PCDH15: variants seen among roughly 807,000 people sequenced by gnomAD.
The protein encoded by PCDH15 is protocadherin-15.
Under a neutral mutation model 178.5 loss-of-function variants are expected in PCDH15, and 129 were observed. That is an observed-to-expected ratio of 0.72 (90% CI 0.63 to 0.84). The LOEUF (loss-of-function observed/expected upper bound fraction) is 0.84, where lower values mean the gene tolerates loss of function less well. Ranked by LOEUF, PCDH15 falls within the 40% of genes least tolerant of loss-of-function variation. The pLI is 0.00. For synonymous variants in PCDH15, 800 were observed against 732.0 expected, an observed-to-expected ratio of 1.09 and a Z score of -1.50; for missense variants, 2,230 against 2,099.9, an observed-to-expected ratio of 1.06 and a Z score of -1.21.
chr10:53,877,568 C>T (rs965450626), intron 26 of PCDH15, among the ~76,000 whole-genome samples: 2 of 152,182 alleles, frequency 1.3e-5, no homozygotes, highest in Non-Finnish European at 2.9e-5. Flanking sequence ...TTTGAACTTC[C>T]TGATTTTTCC....
At chr10:54,384,126 A>G (rs1949629219) in intron 3 of PCDH15, among the ~76,000 whole-genome samples, 1 of 151,748 alleles carries the variant, frequency 6.6e-6, no homozygotes, top group South Asian at 2.1e-4. Context: ...GAGCTACTGC[A>G]TCCAGCCAAA....
In PCDH15 at chr10:53,832,706, A is replaced by T. The variant is rs184089329; in HGVS notation, c.3984-1173T>A. Among the ~76,000 whole-genome samples the T allele has an allele frequency of 1.2e-4, 18 of 151,040 alleles. No individual in the cohort carries two copies. The East Asian group carries it at 3.3e-3, about 28-fold the overall frequency. On this transcript the variant is annotated intron_variant, in intron 29 of 37. Transcript: ENST00000644397. ...AAAAATTAAAATGGCCCTAAATTTC[A>T]TTATCAAAATATAATCAATGCCATG... is the stretch of plus-strand genomic sequence containing the variant.
intron 1 of PCDH15, among the ~76,000 whole-genome samples, chr10:54,711,162 A>T (rs992459987): frequency 9.9e-5 from 15 of 152,004 alleles, no homozygotes; most frequent in Non-Finnish European, 2.1e-4. Context: ...TACTTAATAG[A>T]CCTGAACAAA....
Position 54,717,150 on chromosome 10 carries a change from A to T in PCDH15, c.-28-52860T>A, listed in dbSNP as rs1291055212. On this transcript the variant is annotated intron_variant, in intron 1 of 37. Transcript: ENST00000644397. ...ACTTAAATGTTAGACCTAAAACCAT[A>T]AAAACCCTAGAAGAAAACCTAGGCA... is the stretch of plus-strand genomic sequence containing the variant. Among the ~76,000 whole-genome samples the T allele has an allele frequency of 5.2e-5, 7 of 135,686 alleles. 1 individual carries two copies. The highest frequency in any genetic ancestry group is 2.0e-4 in the African/African-American group (7 of 34,938). The allele number at this position is 135,686 out of a possible 152,430, so 89.0% of individuals were successfully genotyped here.
At chr10:53,924,276 C>T (rs925025327) in intron 25 of PCDH15, among the ~76,000 whole-genome samples, 22 of 152,264 alleles carry the variant, frequency 1.4e-4, no homozygotes, top group African/African-American at 2.2e-4. Flanking sequence ...GCACTCAGAG[C>T]GGCCGGCTGG....
intron 1 of PCDH15, among the ~76,000 whole-genome samples, chr10:55,207,900 C>T (rs944580903): frequency 6.6e-6 from 1 of 152,080 alleles, no homozygotes; most frequent in African/African-American, 2.4e-5. Flanking sequence ...ACCTGGAAGG[C>T]AGAGGTTGCA....
intron 3 of PCDH15, among the ~76,000 whole-genome samples, chr10:54,520,721 C>T (rs1015553899): frequency 1.3e-5 from 2 of 151,246 alleles, no homozygotes; most frequent in African/African-American, 4.9e-5. Context: ...TGGATATATA[C>T]CCAAAGGACT....
At chr10:55,080,274 C>T (rs925348563) in intron 2 of PCDH15, among the ~76,000 whole-genome samples, 24 of 152,124 alleles carry the variant, frequency 1.6e-4, no homozygotes, top group African/African-American at 5.8e-4. Context: ...AGCTCCACCT[C>T]CTGTCAGATC....
At chr10:54,687,477 C>G (rs961752062) in intron 1 of PCDH15, among the ~76,000 whole-genome samples, 1 of 152,158 alleles carries the variant, frequency 6.6e-6, no homozygotes, top group Non-Finnish European at 1.5e-5. Flanking sequence ...CTGACTAAAA[C>G]TCTCTCCTTT....
chr10:54,791,634 C>T (rs1454429578), intron 1 of PCDH15, among the ~76,000 whole-genome samples: 2 of 151,904 alleles, frequency 1.3e-5, no homozygotes, highest in African/African-American at 4.8e-5. Context: ...TCATGCTAAT[C>T]TTCCCATCTC....
rs561851344 is a variant in PCDH15 at position 54,665,365 on chromosome 10, T to C, written c.-28-1075A>G. ...TCCAAGTGTTTACATGATTGTGCAA[T>C]CTTCTTTATAAGACTAAATGCTTCT... On this transcript the variant is annotated intron_variant, in intron 1 of 37. Transcript: ENST00000644397. Among the ~76,000 whole-genome samples, 67 of 152,144 alleles carry C rather than the reference T, an allele frequency of 4.4e-4. 3 individuals carry two copies. The South Asian group carries it at 0.014, about 31-fold the overall frequency.
intron 3 of PCDH15, among the ~76,000 whole-genome samples, chr10:54,850,923 T>C (rs1337986319): frequency 6.6e-6 from 1 of 152,140 alleles, no homozygotes; most frequent in Non-Finnish European, 1.5e-5. Flanking sequence ...AATATATCAA[T>C]GTGGCAGTTG....
At chr10:55,399,504 C>T (rs887203358) in intron 2 of PCDH15, among the ~76,000 whole-genome samples, 1 of 152,054 alleles carries the variant, frequency 6.6e-6, no homozygotes, top group Non-Finnish European at 1.5e-5. Context: ...GAAATAATGA[C>T]GACTAGGCAC....
intron 6 of PCDH15, among the ~76,000 whole-genome samples, chr10:54,338,574 C>T (rs112589672): frequency 2.2e-4 from 33 of 152,134 alleles, no homozygotes; most frequent in African/African-American, 6.7e-4. Flanking sequence ...CTCAAAGCTA[C>T]GGGGAGTCAA....
At chr10:54,238,348 A>G (rs2054847253) in intron 8 of PCDH15, among the ~76,000 whole-genome samples, 1 of 152,104 alleles carries the variant, frequency 6.6e-6, no homozygotes, top group Admixed American at 6.6e-5. Context: ...AACATTATGT[A>G]TAATACTTGA....
At chr10:54,807,912 G>A (rs1009679206) in intron 3 of PCDH15, among the ~76,000 whole-genome samples, 28 of 151,396 alleles carry the variant, frequency 1.8e-4, no homozygotes, top group African/African-American at 6.8e-4. Flanking sequence ...ACAGCCTGTG[G>A]AAAAATTATC....
At chr10:55,230,166 G>A (rs1841170927) in intron 1 of PCDH15, among the ~76,000 whole-genome samples, 1 of 151,886 alleles carries the variant, frequency 6.6e-6, no homozygotes, top group South Asian at 2.1e-4. Context: ...TTTGTCCTAA[G>A]CTCATTCTCC....
At chr10:54,315,929 G>A (rs1268252289) in intron 8 of PCDH15, among the ~76,000 whole-genome samples, 3 of 108,256 alleles carry the variant, frequency 2.8e-5, no homozygotes, top group Non-Finnish European at 6.4e-5. Flanking sequence ...AATAGTTTGT[G>A]TGTTTTTTTT....
chr10:53,903,136 T>C (rs1054789179), intron 26 of PCDH15, 107 bp downstream of exon 26: 1 of 1,306,784 alleles, frequency 7.7e-7, no homozygotes, highest in African/African-American at 1.5e-5. Flanking sequence ...TTCAGGCTTT[T>C]GTTTATACAG....
Sources: gnomAD v4.1 joint callset for allele counts (sites outside exome capture counted in the v4.1 genomes callset) on GRCh38, gnomAD v4.1.1 for gene constraint, MANE v1.5 for transcripts, NCBI Gene and HGNC (gene_info 2026-07-23, HGNC 2026-07-21) for gene names.